KLHDC2: variants seen among roughly 807,000 people sequenced by gnomAD.
KLHDC2 encodes kelch domain containing 2, also known as kelch domain-containing protein 2.
Under a neutral mutation model 62.3 loss-of-function variants are expected in KLHDC2, and 38 were observed. The ratio of observed to expected loss-of-function variants is 0.61; its 90% CI spans 0.47 to 0.80. The LOEUF (loss-of-function observed/expected upper bound fraction) is 0.80. Among genes scored for constraint, KLHDC2 ranks in the 30% least tolerant of loss-of-function variants. The probability of loss-of-function intolerance (pLI) is 0.00; values close to 1 mark genes in which losing one functional copy is unlikely to be tolerated. For synonymous variants in KLHDC2, 159 were observed against 161.0 expected, an observed-to-expected ratio of 0.99 and a Z score of 0.09; for missense variants, 430 against 495.3, an observed-to-expected ratio of 0.87 and a Z score of 1.25.
At position 49,768,386 on chromosome 14, in the gene KLHDC2, C is replaced by A; in HGVS notation, c.-83C>A. The A allele has an allele frequency of 6.9e-7, 1 of 1,448,980 alleles. No homozygotes were observed. Among genetic ancestry groups the A allele is most frequent in the African/African-American group, 1.4e-5 (1 of 69,196 alleles). 89.8% of individuals were successfully genotyped at this position (1,448,980 alleles called of 1,614,324 possible). Reference sequence around the variant, plus strand: ...ACCGCCTTTTCCTTGCCTCGCGCCGCTGTGCATTTCTCTCCTTTTCCTTTG... The same window carrying A: ...ACCGCCTTTTCCTTGCCTCGCGCCGATGTGCATTTCTCTCCTTTTCCTTTG... On this transcript the variant is annotated 5_prime_UTR_variant, in exon 1 of 13. In the 5' UTR this introduces an upstream ATG that the reference lacks. Coordinates refer to ENST00000298307, the MANE Select transcript of KLHDC2 (RefSeq NM_014315.3).
chr14:49,781,674 G>GTGAT (rs973932273), intron 10 of KLHDC2, among the ~76,000 whole-genome samples: 10 of 151,624 alleles, frequency 6.6e-5, no homozygotes, highest in African/African-American at 2.4e-4. Flanking sequence ...TCCAGCCTGG[G>GTGAT]TGATAGAGCA....
chr14:49,783,090 G>C lies in KLHDC2; in HGVS notation c.*137G>C. On this transcript the variant is annotated 3_prime_UTR_variant, in exon 13 of 13. Coordinates refer to ENST00000298307, the MANE Select transcript of KLHDC2 (RefSeq NM_014315.3). ...TTTTAATGTGCATGTGAATGGCCTA[G>C]AGAACCTATTTTTGTGTCTAAAGTT... The C allele has an allele frequency of 1.3e-6, 1 of 758,400 alleles. No individual in the cohort carries two copies. Among genetic ancestry groups the C allele is most frequent in the Non-Finnish European group, 2.0e-6 (1 of 501,062 alleles). The allele number at this position is 758,400 out of a possible 1,614,324, so 47.0% of individuals were successfully genotyped here.
chr14:49,769,950 T>G (rs112298820), intron 1 of KLHDC2, among the ~76,000 whole-genome samples: 9 of 120,312 alleles, frequency 7.5e-5, no homozygotes, highest in Non-Finnish European at 1.3e-4. Context: ...CAAAAATACT[T>G]TAGAAAGGGG....
Position 49,785,026 on chromosome 14 carries a change from A to C in KLHDC2, c.*2073A>C. 1 of 1,609,300 alleles carries C rather than the reference A, an allele frequency of 6.2e-7. No homozygotes were observed. The highest frequency in any genetic ancestry group is 8.5e-7 in the Non-Finnish European group (1 of 1,175,820). Reference sequence around the variant, plus strand: ...GCAGCTGTAAATACAAAAAAGAGTAAGAATAATCTACTGTTAAGTCACTGA... The same window carrying C: ...GCAGCTGTAAATACAAAAAAGAGTACGAATAATCTACTGTTAAGTCACTGA... On this transcript the variant is annotated 3_prime_UTR_variant, in exon 13 of 13. Coordinates refer to ENST00000298307, the MANE Select transcript of KLHDC2 (RefSeq NM_014315.3).
intron 2 of KLHDC2, among the ~76,000 whole-genome samples, chr14:49,773,289 C>T (rs1357143922): frequency 2.0e-5 from 3 of 150,792 alleles, no homozygotes; most frequent in African/African-American, 7.3e-5. Context: ...AGGCACGCGC[C>T]TGTAGTCCCA....
chr14:49,780,523 C>G, intron 9 of KLHDC2, 180 bp from the exon 10 acceptor site: 1 of 640,106 alleles, frequency 1.6e-6, no homozygotes, highest in South Asian at 1.9e-5. Flanking sequence ...ACTTAAGAGC[C>G]CTGCTGAAGG....
chr14:49,778,541 TG>T, intron 6 of KLHDC2, 47 bp downstream of exon 6: 1 of 104,934 alleles, frequency 9.5e-6, no homozygotes, highest in Non-Finnish European at 2.2e-5. Flanking sequence ...TTAGAGGCAG[TG>T]GGGAGGGGTG....
chr14:49,784,800 C>A lies in KLHDC2; in HGVS notation c.*1847C>A. 1 of 1,433,088 alleles carries A rather than the reference C, an allele frequency of 7.0e-7. No individual in the cohort carries two copies. The highest frequency in any genetic ancestry group is 9.7e-7 in the Non-Finnish European group (1 of 1,027,382). The allele number at this position is 1,433,088 out of a possible 1,614,324, so 88.8% of individuals were successfully genotyped here. Reference sequence around the variant, plus strand: ...GACAAAAACGAAAAACATTTCCAAACTTTTAGCTGAGATGGTTTTACTGCT... The same window carrying A: ...GACAAAAACGAAAAACATTTCCAAAATTTTAGCTGAGATGGTTTTACTGCT... On this transcript the variant is annotated 3_prime_UTR_variant, in exon 13 of 13. Coordinates refer to ENST00000298307, the MANE Select transcript of KLHDC2 (RefSeq NM_014315.3).
At position 49,785,140 on chromosome 14, in the gene KLHDC2, A is replaced by T. The variant is rs759288132; in HGVS notation, c.*2187A>T. ...GGAGTAAGTTTCACTTTATATCTTT[A>T]AAAAGGAATTACATGTGTTACTAAA... On this transcript the variant is annotated 3_prime_UTR_variant, in exon 13 of 13. Coordinates refer to ENST00000298307, the MANE Select transcript of KLHDC2 (RefSeq NM_014315.3). 108 of 1,603,694 alleles carry T rather than the reference A, an allele frequency of 6.7e-5. No homozygotes were observed. Among genetic ancestry groups the T allele is most frequent in the Non-Finnish European group, 4.4e-5 (52 of 1,170,810 alleles).
intron 6 of KLHDC2, among the ~76,000 whole-genome samples, chr14:49,778,754 C>T (rs1440554488): frequency 1.3e-5 from 2 of 150,364 alleles, no homozygotes; most frequent in South Asian, 2.1e-4. Flanking sequence ...GACAGAGTCT[C>T]GCACTGTTGC....
Position 49,782,891 on chromosome 14 carries a change from C to T in KLHDC2, c.1159C>T (p.Pro387Ser). The change falls in exon 13 of 13, where the codon CCA (proline) becomes TCA (serine). Residue 387 changes from proline (P) to serine (S), a missense_variant. Coordinates refer to ENST00000298307, the MANE Select transcript of KLHDC2 (RefSeq NM_014315.3). ...GTTAGCCAACTCATGGAACTGCCTTCCAAAACACTTACTTCACAGTGTTAA... is the reference window on the plus strand; with the variant it reads ...GTTAGCCAACTCATGGAACTGCCTTTCAAAACACTTACTTCACAGTGTTAA... ...EMLANSWNCL[P>S]KHLLHSVNQR... The T allele has an allele frequency of 5.0e-6, 8 of 1,613,722 alleles. No homozygotes were observed. Among genetic ancestry groups the T allele is most frequent in the Non-Finnish European group, 6.8e-6 (8 of 1,179,712 alleles).
At chr14:49,779,180 T>C (rs1054202708) in intron 6 of KLHDC2, among the ~76,000 whole-genome samples, 11 of 152,226 alleles carry the variant, frequency 7.2e-5, no homozygotes, top group Non-Finnish European at 1.5e-5. Context: ...ATTTGGAGCA[T>C]CTCATATTTT....
rs370705810 is a variant in KLHDC2, at chr14:49,774,654, C to G, written c.327C>G (p.His109Gln). ...VDRVLYLFGGHHSRGNTNKFY... is the reference protein window; with the variant it reads ...VDRVLYLFGGQHSRGNTNKFY... ...GGGTGCTGTACTTGTTTGGAGGACA[C>G]CATTCAAGAGGCAATACCAATAAGG... The change falls in exon 3 of 13, where the codon CAC becomes CAG. Residue 109 changes from histidine (H) to glutamine (Q), a missense_variant. His to Gln is a conservative substitution (Grantham distance 24). Coordinates refer to ENST00000298307, the MANE Select transcript of KLHDC2 (RefSeq NM_014315.3). The G allele has an allele frequency of 1.0e-5, 16 of 1,606,740 alleles. No individual in the cohort carries two copies. Among genetic ancestry groups the G allele is most frequent in the Non-Finnish European group, 1.3e-5 (15 of 1,173,426 alleles).
intron 2 of KLHDC2, among the ~76,000 whole-genome samples, chr14:49,772,381 G>T (rs1193070939): frequency 3.9e-5 from 6 of 152,170 alleles, no homozygotes; most frequent in Non-Finnish European, 8.8e-5. Context: ...CTCAAAATTT[G>T]CATGCAAATC....
chr14:49,768,190 G>A lies in KLHDC2; in HGVS notation c.-279G>A. The A allele has an allele frequency of 3.6e-6, 1 of 277,408 alleles. No homozygotes were observed. The highest frequency in any genetic ancestry group is 6.6e-6 in the Non-Finnish European group (1 of 150,466). The allele number at this position is 277,408 out of a possible 1,614,324, so 17.2% of individuals were successfully genotyped here. On this transcript the variant is annotated 5_prime_UTR_variant, in exon 1 of 13. Coordinates refer to ENST00000298307, the MANE Select transcript of KLHDC2 (RefSeq NM_014315.3). ...ATAGGGAGCCGGCCCGACGCGGACC[G>A]CTTCCCTGCAGTGCCCCGAGTCCCG...
At chr14:49,780,362 T>G in intron 9 of KLHDC2, 40 bp downstream of exon 9, 3 of 1,238,426 alleles carry the variant, frequency 2.4e-6, no homozygotes, top group Non-Finnish European at 3.6e-6. Flanking sequence ...TCATCATATA[T>G]CATCCATATC....
intron 3 of KLHDC2, among the ~76,000 whole-genome samples, chr14:49,776,585 A>C (rs1889777779): frequency 6.6e-6 from 1 of 152,122 alleles, no homozygotes; most frequent in African/African-American, 2.4e-5. Flanking sequence ...AAAATTACTA[A>C]ACCTATTTTT....
chr14:49,785,508 A>C lies in KLHDC2; in HGVS notation c.*2555A>C, dbSNP rs1321892564. On this transcript the variant is annotated 3_prime_UTR_variant, in exon 13 of 13. Coordinates refer to ENST00000298307, the MANE Select transcript of KLHDC2 (RefSeq NM_014315.3). ...GAGTTGAAGACCAATGTTTAAATAT[A>C]TTCTTTACTACTTAATTTTTGCCTA... 2 of 541,662 alleles carry C rather than the reference A, an allele frequency of 3.7e-6. No individual in the cohort carries two copies. The highest frequency in any genetic ancestry group is 2.1e-5 in the South Asian group (1 of 46,794). 33.6% of individuals were successfully genotyped at this position (541,662 alleles called of 1,614,324 possible).
At chr14:49,778,601 C>A in intron 6 of KLHDC2, 107 bp downstream of exon 6, 1 of 605,714 alleles carries the variant, frequency 1.7e-6, no homozygotes, top group Non-Finnish European at 2.9e-6. Context: ...GTGAAAGTGA[C>A]AGTTCATTCT....
Sources: allele counts gnomAD v4.1 joint callset (sites outside exome capture counted in the v4.1 genomes callset), GRCh38; gene constraint gnomAD v4.1.1; transcripts MANE v1.5; gene names NCBI Gene and HGNC (gene_info 2026-07-23, HGNC 2026-07-21).